VCL: variants seen among roughly 807,000 people sequenced by gnomAD.
The protein encoded by VCL is epididymis luminal protein 114.
Under a neutral mutation model 125.7 loss-of-function variants are expected in VCL, and 47 were observed. The ratio of observed to expected loss-of-function variants is 0.37; its 90% CI spans 0.30 to 0.48. VCL has a LOEUF of 0.48. Ranked by LOEUF, VCL falls within the 20% of genes least tolerant of loss-of-function variation. The probability of loss-of-function intolerance (pLI) is 0.99; values close to 1 mark genes in which losing one functional copy is unlikely to be tolerated. For missense variants in VCL, 1,069 were observed against 1,455.5 expected (o/e 0.73, Z 4.32); for synonymous variants, 458 against 514.6 (o/e 0.89, Z 1.49).
intron 1 of VCL, among the ~76,000 whole-genome samples, chr10:74,012,639 C>T (rs981134045): frequency 6.6e-5 from 10 of 152,034 alleles, no homozygotes; most frequent in Admixed American, 2.6e-4. Context: ...AGCAGCAGAT[C>T]GAGACTGGTA....
chr10:74,069,509 A>G (rs1383659722), intron 2 of VCL, among the ~76,000 whole-genome samples: 1 of 152,216 alleles, frequency 6.6e-6, no homozygotes, highest in African/African-American at 2.4e-5. Context: ...CTTGTTAACA[A>G]TGTAATACTG....
intron 13 of VCL, 94 bp from the exon 14 acceptor site, chr10:74,100,854 A>G: frequency 1.4e-6 from 2 of 1,439,606 alleles, no homozygotes; most frequent in Non-Finnish European, 1.9e-6. Flanking sequence ...GTCTTTGAGC[A>G]GTTGCTGCCC....
intron 1 of VCL, among the ~76,000 whole-genome samples, chr10:74,038,901 A>AT (rs879367001): frequency 1.5e-3 from 225 of 147,788 alleles, no homozygotes; most frequent in South Asian, 3.9e-3. Context: ...TTTAGAAGTG[A>AT]TTTTTTTTTT....
At chr10:74,089,032 G>A (rs903129315) in intron 8 of VCL, among the ~76,000 whole-genome samples, 164 bp from the exon 9 acceptor site, 6 of 152,324 alleles carry the variant, frequency 3.9e-5, no homozygotes, top group Non-Finnish European at 7.4e-5. Flanking sequence ...TGATTTGGGC[G>A]TCTTGCTTTG....
In VCL at chr10:74,091,546, G is replaced by A. The variant is rs567323300; in HGVS notation, c.1352+1348G>A. The stretch of plus-strand genomic sequence containing the variant: ...TGTAATCCCAACACTTGGTGAGGCT[G>A]AGGGCGTGTGGATCACTTGAGGTCA... On this transcript the variant is annotated intron_variant, in intron 10 of 21. Coordinates refer to ENST00000211998, the MANE Select transcript of VCL (RefSeq NM_014000.3). 1.8e-4 allele frequency among the ~76,000 whole-genome samples: 28 copies of A among 152,196 alleles called. No individual in the cohort carries two copies. In the South Asian group the frequency reaches 5.0e-3, roughly 27 times the overall value.
Position 74,031,304 on chromosome 10 carries a change from C to T in VCL, c.169-11779C>T, listed in dbSNP as rs143495609. ...TCCTGGTAAAGGTTAGTCTCTGTAT[C>T]TCTCTCCAGATTCTTACCCTGTCTC... On this transcript the variant is annotated intron_variant, in intron 1 of 21. Coordinates refer to ENST00000211998, the MANE Select transcript of VCL (RefSeq NM_014000.3). 6.7e-4 allele frequency among the ~76,000 whole-genome samples: 102 copies of T among 152,176 alleles called. No individual in the cohort carries two copies. In the East Asian group the frequency reaches 0.01, roughly 16 times the overall value.
At chr10:74,032,257 A>AG (rs1249396482) in intron 1 of VCL, among the ~76,000 whole-genome samples, 103 of 150,988 alleles carry the variant, frequency 6.8e-4, no homozygotes, top group African/African-American at 2.2e-3. Flanking sequence ...AAAAAAAAAA[A>AG]AAAGAAAAAG....
intron 1 of VCL, 138 bp from the exon 2 acceptor site, chr10:74,042,945 T>G: frequency 1.2e-6 from 1 of 860,298 alleles, no homozygotes; most frequent in Non-Finnish European, 1.8e-6. Flanking sequence ...AAAAATTTTT[T>G]AAATCCAGAA....
intron 8 of VCL, 135 bp from the exon 9 acceptor site, chr10:74,089,061 T>G: frequency 1.6e-6 from 2 of 1,284,428 alleles, no homozygotes; most frequent in Non-Finnish European, 2.2e-6. Context: ...TGTTTTCTTG[T>G]GCTGTCCCAG....
chr10:74,001,882 C>T (rs1840232077), intron 1 of VCL, among the ~76,000 whole-genome samples: 1 of 152,078 alleles, frequency 6.6e-6, no homozygotes, highest in Non-Finnish European at 1.5e-5. Context: ...CCAAATTAGT[C>T]TTATTTTGGT....
chr10:74,057,640 ATGT>A (rs1841410880), intron 2 of VCL, among the ~76,000 whole-genome samples: 1 of 152,148 alleles, frequency 6.6e-6, no homozygotes, highest in Non-Finnish European at 1.5e-5. Flanking sequence ...GTTTTAAAAG[ATGT>A]TGTTCATGGC....
In VCL at chr10:74,009,548, C is replaced by T. The variant is rs375803907; in HGVS notation, c.168+11173C>T. 4.0e-5 allele frequency among the ~76,000 whole-genome samples: 6 copies of T among 150,958 alleles called. No individual in the cohort carries two copies. In the South Asian group the frequency reaches 6.3e-4, roughly 16 times the overall value. The stretch of plus-strand genomic sequence containing the variant: ...TGCTGGGATTACAGGCATGAGCCAC[C>T]GCGCCCGGCTTTAATTCTGTTTCTA... On this transcript the variant is annotated intron_variant, in intron 1 of 21. Transcript: ENST00000211998.
At chr10:74,074,586 G>T (rs371841736) in intron 5 of VCL, among the ~76,000 whole-genome samples, 157 bp from the exon 6 acceptor site, 5 of 152,052 alleles carry the variant, frequency 3.3e-5, no homozygotes, top group African/African-American at 9.7e-5. Context: ...GGTTGTTAAT[G>T]TTGGAACTTT....
At chr10:74,002,371 C>T (rs953331424) in intron 1 of VCL, among the ~76,000 whole-genome samples, 15 of 150,750 alleles carry the variant, frequency 1.0e-4, no homozygotes, top group African/African-American at 3.7e-4. Context: ...GTTATCCGCC[C>T]GCCTCGGCCT....
chr10:74,088,977 T>C lies in VCL; in HGVS notation c.1023-219T>C, dbSNP rs890300422. On this transcript the variant is annotated intron_variant, in intron 8 of 21. Coordinates refer to ENST00000211998, the MANE Select transcript of VCL (RefSeq NM_014000.3). ...GCTGGCCTGGTCTTCAAAGTGGTTA[T>C]GCAGTTCCGTGAAGCTAATGTGCAT... Among the ~76,000 whole-genome samples, 7 of 152,356 alleles carry C rather than the reference T, an allele frequency of 4.6e-5. No homozygotes were observed. The South Asian group carries it at 1.4e-3, about 32-fold the overall frequency.
At position 74,117,164 on chromosome 10, in the gene VCL, T is replaced by A. The variant is rs146662432; in HGVS notation, c.3259-859T>A. ...TTTGGTTGTTTTTAAAATTCATTAA[T>A]TAAATATTTATGAAATACCTCCTGT... is the stretch of plus-strand genomic sequence containing the variant. On this transcript the variant is annotated intron_variant, in intron 21 of 21. Coordinates refer to ENST00000211998, the MANE Select transcript of VCL (RefSeq NM_014000.3). 3.9e-3 allele frequency among the ~76,000 whole-genome samples: 594 copies of A among 152,316 alleles called. 4 individuals are homozygous for A. The highest frequency in any genetic ancestry group is 0.013 in the African/African-American group (535 of 41,572).
At chr10:74,025,360 G>A (rs1840750685) in intron 1 of VCL, among the ~76,000 whole-genome samples, 1 of 151,928 alleles carries the variant, frequency 6.6e-6, no homozygotes, top group Admixed American at 6.6e-5. Context: ...TGGGTGTGGT[G>A]GCTCACACTT....
Position 74,032,111 on chromosome 10 carries a change from C to CACCT in VCL, c.169-10971_169-10968dup, listed in dbSNP as rs532682947. Among the ~76,000 whole-genome samples, 57 of 121,698 alleles carry CACCT rather than the reference C, an allele frequency of 4.7e-4. No individual in the cohort carries two copies. In the Middle Eastern group the frequency reaches 0.03, roughly 65 times the overall value. The allele number at this position is 121,698 out of a possible 152,430, so 79.8% of individuals were successfully genotyped here. A position where few individuals can be genotyped will look rare whatever the true frequency, so the allele number is the denominator to read the frequency against. On this transcript the variant is annotated intron_variant, in intron 1 of 21. Coordinates refer to ENST00000211998, the MANE Select transcript of VCL (RefSeq NM_014000.3). ...AAAAAAAGCCGGGTGTGGTTGTATA[C>CACCT]ACCTGTACTTCCAGCTACTCAGGGG...
At chr10:74,084,812 A>G (rs1839742169) in intron 8 of VCL, among the ~76,000 whole-genome samples, 1 of 146,098 alleles carries the variant, frequency 6.8e-6, no homozygotes, top group Non-Finnish European at 1.5e-5. Context: ...GGGTTTCTCC[A>G]TGTTGGTCAG....
Sources: allele counts gnomAD v4.1 joint callset (sites outside exome capture counted in the v4.1 genomes callset), GRCh38; gene constraint gnomAD v4.1.1; transcripts MANE v1.5; gene names NCBI Gene and HGNC (gene_info 2026-07-23, HGNC 2026-07-21).